Variants in COG5 observed in about 807,000 individuals in gnomAD.
The protein encoded by COG5 is component of oligomeric golgi complex 5.
A neutral mutation model predicts 110.4 loss-of-function variants in COG5; 86 were observed. The ratio of observed to expected loss-of-function variants is 0.78; its 90% CI spans 0.65 to 0.93. The LOEUF (loss-of-function observed/expected upper bound fraction) is 0.93, where lower values mean the gene tolerates loss of function less well. COG5 is among the 40% of genes least tolerant of loss of function. The pLI is 0.00. For synonymous variants in COG5, 360 were observed against 334.6 expected (o/e 1.08, Z -0.83); for missense variants, 1,077 against 987.0 (o/e 1.09, Z -1.22).
At chr7:107,214,920 CAAA>C (rs1286533575) in intron 19 of COG5, among the ~76,000 whole-genome samples, 2 of 80,540 alleles carry the variant, frequency 2.5e-5, no homozygotes. Context: ...GACTCTGTCT[CAAA>C]AAAAAAAAAA....
intron 21 of COG5, chr7:107,209,001 T>G: frequency 1.0e-6 from 1 of 970,586 alleles, no homozygotes; most frequent in Non-Finnish European, 1.2e-6. Flanking sequence ...CTGGAGATTC[T>G]GAGGTAGGCA....
chr7:107,338,816 T>C (rs999654545), intron 10 of COG5, among the ~76,000 whole-genome samples: 6 of 152,014 alleles, frequency 3.9e-5, no homozygotes, highest in Non-Finnish European at 8.8e-5. Context: ...TCTCCAAAGA[T>C]GATATTAAAA....
Position 107,236,452 on chromosome 7 carries a change from G to A in COG5, c.2089C>T (p.Gln697Ter). The A allele has an allele frequency of 6.2e-7, 1 of 1,610,024 alleles. No individual in the cohort carries two copies. The highest frequency in any genetic ancestry group is 8.5e-7 in the Non-Finnish European group (1 of 1,176,316). The change falls in exon 18 of 22, where the codon CAG becomes TAG. Residue 697 changes from glutamine to a stop codon, truncating the protein, a stop_gained and splice_region_variant. Coordinates refer to ENST00000297135, the MANE Select transcript of COG5 (RefSeq NM_006348.5). LOFTEE classifies it high-confidence loss of function. ...TTTGTAGTAATTCATCAATGTACCT[G>A]TGCAAAATCAGCAGCAAGTCGCATT... Reference protein sequence around the residue: ...GKMRLAADFAQMELAVGPFCR... With the variant: ...GKMRLAADFA
At chr7:107,316,430 G>A (rs1295630241) in intron 11 of COG5, among the ~76,000 whole-genome samples, 1 of 151,936 alleles carries the variant, frequency 6.6e-6, no homozygotes, top group Non-Finnish European at 1.5e-5. Context: ...AAAGGTACAG[G>A]AAAAAATTTC....
At chr7:107,267,777 C>T (rs1331450836) in intron 14 of COG5, among the ~76,000 whole-genome samples, 2 of 151,972 alleles carry the variant, frequency 1.3e-5, no homozygotes, top group African/African-American at 2.4e-5. Context: ...GGGTAAGGGC[C>T]GGGCATGGTG....
chr7:107,339,073 CAG>C (rs1810957375), intron 10 of COG5, among the ~76,000 whole-genome samples: 1 of 152,036 alleles, frequency 6.6e-6, no homozygotes, highest in African/African-American at 2.4e-5. Context: ...GTAAAAGACA[CAG>C]AATTGCAAAT....
At position 107,419,066 on chromosome 7, in the gene COG5, T is replaced by G. The variant is rs538225419; in HGVS notation, c.539-6434A>C. On this transcript the variant is annotated intron_variant, in intron 6 of 21. Transcript: ENST00000297135. ...TAATCATATTTAAGTAGAGATCTGA[T>G]GATGAAACATGTCTTTGAAGAAAAA... is the stretch of plus-strand genomic sequence containing the variant. 5.4e-4 allele frequency among the ~76,000 whole-genome samples: 83 copies of G among 152,344 alleles called. 1 individual carries two copies. The highest frequency in any genetic ancestry group is 1.3e-3 in the African/African-American group (53 of 41,596).
chr7:107,461,338 A>AT (rs1795980112), intron 6 of COG5, among the ~76,000 whole-genome samples: 2 of 152,162 alleles, frequency 1.3e-5, no homozygotes, highest in Non-Finnish European at 2.9e-5. Context: ...GAGAAAAACC[A>AT]TATGAACCCT....
At chr7:107,340,424 A>G (rs997522093) in intron 10 of COG5, among the ~76,000 whole-genome samples, 1 of 152,158 alleles carries the variant, frequency 6.6e-6, no homozygotes, top group African/African-American at 2.4e-5. Flanking sequence ...ACTGATTCAC[A>G]GCAGAATTCT....
intron 20 of COG5, among the ~76,000 whole-genome samples, 155 bp downstream of exon 20, chr7:107,210,944 T>C (rs1469781538): frequency 6.6e-6 from 1 of 152,232 alleles, no homozygotes. Context: ...CAGTGGGAGT[T>C]TTCCTTTTCT....
At chr7:107,387,338 G>A (rs1345107887) in intron 7 of COG5, among the ~76,000 whole-genome samples, 2 of 152,146 alleles carry the variant, frequency 1.3e-5, no homozygotes, top group South Asian at 2.1e-4. Flanking sequence ...AGGTGCAAAC[G>A]GGAAGGTCCA....
At chr7:107,349,479 A>G (rs1193937498) in intron 10 of COG5, among the ~76,000 whole-genome samples, 2 of 151,294 alleles carry the variant, frequency 1.3e-5, no homozygotes, top group African/African-American at 4.9e-5. Context: ...GCTCACTGCA[A>G]CCTCCGCTTC....
intron 6 of COG5, among the ~76,000 whole-genome samples, chr7:107,434,755 G>A (rs541270623): frequency 1.3e-3 from 198 of 152,202 alleles, no homozygotes; most frequent in African/African-American, 4.6e-3. Context: ...CGGATCACTA[G>A]GTCAGGAGAT....
chr7:107,493,570 C>G (rs1798096767), intron 6 of COG5, among the ~76,000 whole-genome samples: 1 of 152,152 alleles, frequency 6.6e-6, no homozygotes, highest in Non-Finnish European at 1.5e-5. Flanking sequence ...AGACTCCTCT[C>G]TCTTTGCTTA....
intron 6 of COG5, chr7:107,471,284 T>G (rs1045642779): frequency 1.3e-5 from 2 of 152,092 alleles, no homozygotes; most frequent in African/African-American, 4.8e-5. Flanking sequence ...AAATACTGGA[T>G]AGTTTTTAAA....
intron 7 of COG5, among the ~76,000 whole-genome samples, chr7:107,390,324 G>A (rs1790526529): frequency 6.6e-6 from 1 of 152,080 alleles, no homozygotes; most frequent in Admixed American, 6.5e-5. Context: ...GGCCAAAAAT[G>A]TGTCTAATGA....
chr7:107,295,663 C>CTA (rs1357463833), intron 12 of COG5, among the ~76,000 whole-genome samples: 1 of 152,156 alleles, frequency 6.6e-6, no homozygotes, highest in Non-Finnish European at 1.5e-5. Context: ...ATATGGCCTC[C>CTA]TATATCTCGT....
At chr7:107,313,229 T>C (rs1808435352) in intron 11 of COG5, among the ~76,000 whole-genome samples, 1 of 152,146 alleles carries the variant, frequency 6.6e-6, no homozygotes, top group African/African-American at 2.4e-5. Flanking sequence ...GGGAGAAGCA[T>C]GTCAAAGTAA....
chr7:107,242,420 G>A (rs1390810042), intron 17 of COG5, among the ~76,000 whole-genome samples: 2 of 152,192 alleles, frequency 1.3e-5, no homozygotes, highest in African/African-American at 4.8e-5. Context: ...ATGGCAAAGT[G>A]GCCAGACTGT....
Sources: allele counts gnomAD v4.1 joint callset (sites outside exome capture counted in the v4.1 genomes callset), GRCh38; gene constraint gnomAD v4.1.1; transcripts MANE v1.5; gene names NCBI Gene and HGNC (gene_info 2026-07-23, HGNC 2026-07-21).